Variants in ATM observed in about 807,000 individuals in gnomAD.
ATM encodes the protein serine-protein kinase ATM.
A neutral mutation model predicts 387.0 loss-of-function variants in ATM; 308 were observed. The ratio of observed to expected loss-of-function variants is 0.80; its 90% confidence interval spans 0.73 to 0.87. The LOEUF (loss-of-function observed/expected upper bound fraction) is 0.87. ATM is among the 40% of genes least tolerant of loss of function. The pLI is 0.00. For missense variants in ATM, 3,312 were observed against 3,560.9 expected (o/e 0.93, Z 1.78); for synonymous variants, 1,156 against 1,187.3 (o/e 0.97, Z 0.54).
At chr11:108,237,899 G>GTTTTTTTTTTTTTTTTTTTTTTTTTT (rs369161623) in intron 5 of ATM, among the ~76,000 whole-genome samples, 22 of 92,046 alleles carry the variant, frequency 2.4e-4, no homozygotes, top group African/African-American at 4.7e-4. Context: ...ATTTACTTAG[G>GTTTTTTTTTTTTTTTTTTTTTTTTTT]TTTTTTTTTT....
At chr11:108,285,622 T>TA (rs558983844) in intron 26 of ATM, among the ~76,000 whole-genome samples, 21 of 152,162 alleles carry the variant, frequency 1.4e-4, no homozygotes, top group Admixed American at 2.6e-4. Context: ...TTTTTTTTTT[T>TA]AGTTTCCTAG....
intron 59 of ATM, among the ~76,000 whole-genome samples, chr11:108,348,049 G>A (rs2088669426): frequency 2.0e-5 from 3 of 152,096 alleles, no homozygotes; most frequent in African/African-American, 7.2e-5. Flanking sequence ...AGGAAATAGT[G>A]GGGGAGTGGG....
At chr11:108,282,631 C>A (rs2135684063) in intron 24 of ATM, 79 bp from the exon 25 acceptor site, 1 of 1,370,786 alleles carries the variant, frequency 7.3e-7, no homozygotes, top group Non-Finnish European at 1.0e-6. Flanking sequence ...CTAGGTCCTA[C>A]TCTAAATAAT....
At chr11:108,343,075 C>A in intron 56 of ATM, 147 bp from the exon 57 acceptor site, 1 of 1,016,250 alleles carries the variant, frequency 9.8e-7, no homozygotes, top group Non-Finnish European at 1.5e-6. Context: ...CGATTGGTTT[C>A]CTCCAAGGAG....
Position 108,330,266 on chromosome 11 carries a change from G to A in ATM, c.7360G>A (p.Ala2454Thr), listed in dbSNP as rs1565529541. Residue 2454 changes from alanine (A) to threonine (T), a missense_variant, in exon 50 of 63, where the codon GCA (alanine) becomes ACA (threonine). By Grantham distance (58) the Ala-to-Thr change is moderately conservative. Coordinates refer to ENST00000675843, the MANE Select transcript of ATM (RefSeq NM_000051.4). Reference sequence around the variant, plus strand: ...GGAGTTGGATGAATTAGCCCTGCGTGCACTGAAAGAGGATCGTAAACGCTT... The same window carrying A: ...GGAGTTGGATGAATTAGCCCTGCGTACACTGAAAGAGGATCGTAAACGCTT... Reference protein sequence around the residue: ...ELELDELALRALKEDRKRFLC... With the variant: ...ELELDELALRTLKEDRKRFLC... 1.2e-6 allele frequency: 2 copies of A among 1,614,194 alleles called. No individual in the cohort carries two copies. The highest frequency in any genetic ancestry group is 1.7e-6 in the Non-Finnish European group (2 of 1,179,996).
chr11:108,364,280 CTTA>C (rs1381491524), intron 61 of ATM, among the ~76,000 whole-genome samples: 2 of 152,172 alleles, frequency 1.3e-5, no homozygotes, highest in African/African-American at 4.8e-5. Context: ...ATTGTCTCCA[CTTA>C]TTACTAAGAT....
At chr11:108,322,148 CT>C (rs533024262) in intron 45 of ATM, among the ~76,000 whole-genome samples, 1 of 151,796 alleles carries the variant, frequency 6.6e-6, no homozygotes, top group East Asian at 1.9e-4. Flanking sequence ...GTTTTGTTTT[CT>C]TTTTTTTCTT....
rs926246315 is a variant in ATM, at chr11:108,259,034, T to G, written c.2425T>G (p.Ser809Ala). The G allele has an allele frequency of 2.5e-6, 4 of 1,613,748 alleles. No homozygotes were observed. In the African/African-American group the frequency reaches 5.3e-5, roughly 22 times the overall value. Residue 809 changes from serine (S) to alanine (A), a missense_variant, in exon 16 of 63, where the codon TCA becomes GCA. By Grantham distance (99) the Ser-to-Ala change is moderately conservative. This residue lies in a region of ATM where 1,791 missense variants were observed against 1,804.5 expected (regional missense o/e 0.99). Coordinates refer to ENST00000675843, the MANE Select transcript of ATM (RefSeq NM_000051.4). ...TGGCTTTTTCCTGCGATTGTTAACA[T>G]CAAAGCTAATGAATGACATTGCAGA... Reference protein sequence around the residue: ...ASGFFLRLLTSKLMNDIADIC... With the variant: ...ASGFFLRLLTAKLMNDIADIC...
intron 60 of ATM, 95 bp from the exon 61 acceptor site, chr11:108,354,716 G>A: frequency 9.1e-7 from 1 of 1,095,020 alleles, no homozygotes; most frequent in Non-Finnish European, 1.4e-6. Flanking sequence ...ATTAAGCATA[G>A]GCTCAGCATA....
In ATM at chr11:108,327,715, G is replaced by A. The variant is rs1223489931; in HGVS notation, c.7046G>A (p.Cys2349Tyr). The A allele has an allele frequency of 1.2e-6, 2 of 1,613,890 alleles. No individual in the cohort carries two copies. Among genetic ancestry groups the A allele is most frequent in the Non-Finnish European group, 1.7e-6 (2 of 1,179,968 alleles). Residue 2349 changes from cysteine to tyrosine, a missense_variant, in exon 48 of 63, where the codon TGC (cysteine) becomes TAC (tyrosine). Cys to Tyr is a radical substitution (Grantham distance 194). Coordinates refer to ENST00000675843, the MANE Select transcript of ATM (RefSeq NM_000051.4). ...RVCGNWLAETCLENPAVIMQT... is the reference protein window; with the variant it reads ...RVCGNWLAETYLENPAVIMQT... ...TGTGGCAACTGGTTAGCAGAAACGT[G>A]CTTAGAAAATCCTGCGGTCATCATG... is the stretch of plus-strand genomic sequence containing the variant.
In ATM at chr11:108,256,146, C is replaced by G. The variant is rs2235007; in HGVS notation, c.2125-69C>G. The G allele has an allele frequency of 1.1e-3, 1,523 of 1,360,368 alleles. 26 individuals carry two copies. The African/African-American group carries it at 0.02, about 18-fold the overall frequency. 84.3% of individuals were successfully genotyped at this position (1,360,368 alleles called of 1,614,324 possible). A position where few individuals can be genotyped will look rare whatever the true frequency, so the allele number is the denominator to read the frequency against. On this transcript the variant is annotated intron_variant, in intron 13 of 62. Transcript: ENST00000675843. ...TTTTAATATGTATGTAGAATTTGTT[C>G]TTACAAAAGATAGAGTATACTAAAT...
At position 108,284,303 on chromosome 11, in the gene ATM, A is replaced by T. The variant is rs2082378278; in HGVS notation, c.3823A>T (p.Ile1275Phe). 2 of 1,613,874 alleles carry T rather than the reference A, an allele frequency of 1.2e-6. No individual in the cohort carries two copies. Among genetic ancestry groups the T allele is most frequent in the Admixed American group, 3.3e-5 (2 of 59,998 alleles). Residue 1275 changes from isoleucine to phenylalanine, a missense_variant, in exon 26 of 63, where the codon ATT (isoleucine) becomes TTT (phenylalanine). Coordinates refer to ENST00000675843, the MANE Select transcript of ATM (RefSeq NM_000051.4). ...FDEVKSIANQ[I>F]QEDWKSLLTD... ...TGAGGTGAAGTCCATTGCTAATCAG[A>T]TTCAAGAGGACTGGAAAAGTCTTCT...
In ATM at chr11:108,250,861, C is replaced by T. The variant is rs876660485; in HGVS notation, c.1396C>T (p.Gln466Ter). 4 of 1,613,914 alleles carry T rather than the reference C, an allele frequency of 2.5e-6. No homozygotes were observed. The highest frequency in any genetic ancestry group is 3.4e-6 in the Non-Finnish European group (4 of 1,180,022). The change falls in exon 10 of 63, where the codon CAA becomes TAA. Residue 466 changes from glutamine (Q) to a stop codon, truncating the protein, a stop_gained. Transcript: ENST00000675843. LOFTEE classifies it high-confidence loss of function. ...ATGCCTTACGGAAGTTGCATTGTGTCAAGACAAGAGGTCAAACCTAGAAAG... is the reference window on the plus strand; with the variant it reads ...ATGCCTTACGGAAGTTGCATTGTGTTAAGACAAGAGGTCAAACCTAGAAAG... ...LRCLTEVALC[Q>*]DKRSNLESSQ... is the part of the protein sequence containing the mutation.
At position 108,257,622 on chromosome 11, in the gene ATM, T is replaced by C. The variant is rs751221076; in HGVS notation, c.2376+16T>C. The C allele has an allele frequency of 1.9e-6, 3 of 1,611,810 alleles. No homozygotes were observed. Among genetic ancestry groups the C allele is most frequent in the Non-Finnish European group, 2.5e-6 (3 of 1,179,476 alleles). On this transcript the variant is annotated intron_variant, in intron 15 of 62. Coordinates refer to ENST00000675843, the MANE Select transcript of ATM (RefSeq NM_000051.4). The stretch of plus-strand genomic sequence containing the variant: ...CTGTACCAAGGTAAGATTTTCTTCT[T>C]CTTGTTTTGTTTTTTGAGATAGGAT...
chr11:108,309,794 T>A (rs2083990003), intron 38 of ATM, among the ~76,000 whole-genome samples: 1 of 152,106 alleles, frequency 6.6e-6, no homozygotes, highest in African/African-American at 2.4e-5. Context: ...AAAGTGTGTG[T>A]TGGGGGGTGC....
Position 108,292,748 on chromosome 11 carries a change from T to G in ATM, c.4566T>G (p.Gly1522=). 1.9e-6 allele frequency: 3 copies of G among 1,614,100 alleles called. No individual in the cohort carries two copies. The highest frequency in any genetic ancestry group is 2.5e-6 in the Non-Finnish European group (3 of 1,179,976). The change falls in exon 30 of 63, where the codon GGT becomes GGG. Residue 1522 remains glycine, a synonymous_variant. Coordinates refer to ENST00000675843, the MANE Select transcript of ATM (RefSeq NM_000051.4). ...AAAACCATCTTCATGTTATTGTTGG[T>G]ACACTTATACCCCTTGTGTATGAGC... ...ALENHLHVIV[G]TLIPLVYEQV...
rs1555100455 is a variant in ATM at position 108,293,353 on chromosome 11, A to G, written c.4652A>G (p.Asp1551Gly). 6.3e-7 allele frequency: 1 copy of G among 1,586,672 alleles called. No individual in the cohort carries two copies. Among genetic ancestry groups the G allele is most frequent in the Non-Finnish European group, 8.6e-7 (1 of 1,157,598 alleles). The change falls in exon 31 of 63, where the codon GAT becomes GGT. Residue 1551 changes from aspartate to glycine, a missense_variant. Asp to Gly is a moderately conservative substitution (Grantham distance 94). Coordinates refer to ENST00000675843, the MANE Select transcript of ATM (RefSeq NM_000051.4). ...AAATACTTAGTGATAGATAACAAGGATAATGAAAACCTCTATATCACGATT... is the reference window on the plus strand; with the variant it reads ...AAATACTTAGTGATAGATAACAAGGGTAATGAAAACCTCTATATCACGATT... Reference protein sequence around the residue: ...LLKYLVIDNKDNENLYITIKL... With the variant: ...LLKYLVIDNKGNENLYITIKL...
chr11:108,258,948 T>G (rs764988158), intron 15 of ATM, 38 bp from the exon 16 acceptor site: 4 of 1,520,322 alleles, frequency 2.6e-6, no homozygotes, highest in Non-Finnish European at 3.7e-6. Context: ...TTGTTTTTAT[T>G]TCTTTGTTGC....
chr11:108,325,182 G>A, intron 45 of ATM, 128 bp from the exon 46 acceptor site: 1 of 657,156 alleles, frequency 1.5e-6, no homozygotes, highest in Non-Finnish European at 2.6e-6. Context: ...ACAAGTTCTA[G>A]TCTTGTCACT....
Sources: gnomAD v4.1 joint callset for allele counts (sites outside exome capture counted in the v4.1 genomes callset) on GRCh38, gnomAD v4.1.1 for gene constraint, gnomAD v4.1.1 regional missense constraint, MANE v1.5 for transcripts, NCBI Gene and HGNC (gene_info 2026-07-23, HGNC 2026-07-21) for gene names.